The following HBS1L variants were observed in gnomAD, a reference collection of about 807,000 sequenced individuals.
HBS1L encodes the protein HBS1-like protein.
In HBS1L, 55 loss-of-function variants were observed where a neutral mutation model predicts 88.9. The observed-to-expected ratio is 0.62, with a 90% CI of 0.50 to 0.77. HBS1L has a LOEUF of 0.77. Ranked by LOEUF, HBS1L falls within the 30% of genes least tolerant of loss-of-function variation. The pLI is 0.00. For synonymous variants in HBS1L, 267 were observed against 288.5 expected (o/e 0.93, Z 0.76); for missense variants, 741 against 829.3 (o/e 0.89, Z 1.31).
chr6:135,044,598 T>G (rs931831673), intron 2 of HBS1L, among the ~76,000 whole-genome samples: 12 of 152,204 alleles, frequency 7.9e-5, no homozygotes, highest in African/African-American at 2.7e-4. Context: ...ATACTTAGAC[T>G]GATAGCCTTT....
intron 8 of HBS1L, among the ~76,000 whole-genome samples, chr6:134,992,195 A>G (rs1450060465): frequency 2.0e-5 from 3 of 152,222 alleles, no homozygotes; most frequent in Admixed American, 6.5e-5. Context: ...ATTATGAAAG[A>G]AATCAATGTC....
At chr6:134,981,687 A>G (rs1170473823) in intron 13 of HBS1L, among the ~76,000 whole-genome samples, 1 of 151,960 alleles carries the variant, frequency 6.6e-6, no homozygotes, top group Non-Finnish European at 1.5e-5. Flanking sequence ...ATTATTTTAT[A>G]GTATAAAACA....
At position 135,037,454 on chromosome 6, in the gene HBS1L, C is replaced by A. The variant is rs1035378073; in HGVS notation, c.430+2119G>T. On this transcript the variant is annotated intron_variant, in intron 4 of 17. Coordinates refer to ENST00000367837, the MANE Select transcript of HBS1L (RefSeq NM_006620.4). Reference sequence around the variant, plus strand: ...TCTTTACTAGCATTTAAATTATCAACAGTCATATTTTCCAACGAGCTAGTT... The same window carrying A: ...TCTTTACTAGCATTTAAATTATCAAAAGTCATATTTTCCAACGAGCTAGTT... 4 of 1,549,328 alleles carry A rather than the reference C, an allele frequency of 2.6e-6. No homozygotes were observed. The African/African-American group carries it at 5.5e-5, about 21-fold the overall frequency.
At chr6:134,974,669 C>T (rs1168555740) in intron 15 of HBS1L, among the ~76,000 whole-genome samples, 1 of 149,938 alleles carries the variant, frequency 6.7e-6, no homozygotes, top group Non-Finnish European at 1.5e-5. Context: ...AACAGATGAT[C>T]ATCTCAATAG....
chr6:135,043,299 G>C (rs181942714), intron 2 of HBS1L, among the ~76,000 whole-genome samples: 79 of 152,248 alleles, frequency 5.2e-4, no homozygotes, highest in African/African-American at 1.2e-3. Context: ...CAAAAGGCAA[G>C]GTATTATTAG....
chr6:135,045,279 T>A (rs1273126202), intron 2 of HBS1L, among the ~76,000 whole-genome samples: 1 of 152,154 alleles, frequency 6.6e-6, no homozygotes, highest in African/African-American at 2.4e-5. Flanking sequence ...AATGCTATTC[T>A]CTAAAATTTT....
At chr6:135,035,181 G>A (rs1488289455) in intron 4 of HBS1L, among the ~76,000 whole-genome samples, 1 of 152,184 alleles carries the variant, frequency 6.6e-6, no homozygotes, top group Admixed American at 6.5e-5. Context: ...GGCCGGGCGT[G>A]GTGGCTCACA....
chr6:134,979,999 C>T (rs1349445515), intron 13 of HBS1L, among the ~76,000 whole-genome samples: 2 of 151,918 alleles, frequency 1.3e-5, no homozygotes, highest in Non-Finnish European at 2.9e-5. Flanking sequence ...GAGCAGTTCC[C>T]AAGGGCAATA....
At chr6:134,966,912 A>ATTTCAC (rs1774332029) in intron 16 of HBS1L, among the ~76,000 whole-genome samples, 1 of 147,422 alleles carries the variant, frequency 6.8e-6, no homozygotes, top group African/African-American at 2.7e-5. Flanking sequence ...GTAAAACTGT[A>ATTTCAC]ATTTATGGAA....
chr6:135,018,379 T>C (rs527875933), intron 4 of HBS1L, among the ~76,000 whole-genome samples: 2 of 152,164 alleles, frequency 1.3e-5, no homozygotes, highest in East Asian at 3.9e-4. Flanking sequence ...TTATAAAGCA[T>C]CCAGCCTCCT....
At chr6:135,054,504 G>A in intron 1 of HBS1L, 145 bp downstream of exon 1, 2 of 858,690 alleles carry the variant, frequency 2.3e-6, no homozygotes, top group Admixed American at 2.3e-5. Context: ...AGCACTAGAA[G>A]GCCTGTTATA....
chr6:135,031,070 A>AT (rs1396161959), intron 4 of HBS1L, among the ~76,000 whole-genome samples: 3 of 152,090 alleles, frequency 2.0e-5, no homozygotes, highest in Non-Finnish European at 4.4e-5. Context: ...TTTGTTGGTA[A>AT]TTTTTAAAAT....
chr6:134,984,681 T>C (rs752407210), intron 12 of HBS1L, among the ~76,000 whole-genome samples: 26 of 152,186 alleles, frequency 1.7e-4, no homozygotes, highest in Non-Finnish European at 1.3e-4. Flanking sequence ...CACTTTATAG[T>C]CTTCTATATA....
At chr6:135,015,566 T>C (rs1478286579) in intron 4 of HBS1L, among the ~76,000 whole-genome samples, 2 of 152,114 alleles carry the variant, frequency 1.3e-5, no homozygotes, top group African/African-American at 4.8e-5. Flanking sequence ...AATGTAAATA[T>C]ACACACACAT....
At chr6:134,973,087 C>A (rs1774537126) in intron 15 of HBS1L, among the ~76,000 whole-genome samples, 1 of 152,186 alleles carries the variant, frequency 6.6e-6, no homozygotes, top group Non-Finnish European at 1.5e-5. Flanking sequence ...CAATTCCACT[C>A]CTAGGCATAT....
At chr6:135,045,410 C>T (rs1420226106) in intron 2 of HBS1L, among the ~76,000 whole-genome samples, 2 of 152,168 alleles carry the variant, frequency 1.3e-5, no homozygotes, top group East Asian at 3.8e-4. Context: ...CTGAAACTTC[C>T]TACAATGGTT....
At chr6:135,009,249 T>TATTTTA (rs1562294467) in intron 4 of HBS1L, among the ~76,000 whole-genome samples, 2 of 152,174 alleles carry the variant, frequency 1.3e-5, no homozygotes, top group Non-Finnish European at 1.5e-5. Context: ...AATATATATA[T>TATTTTA]ATGAATTACA....
intron 4 of HBS1L, among the ~76,000 whole-genome samples, chr6:135,008,362 A>G (rs771237684): frequency 2.0e-5 from 3 of 152,268 alleles, no homozygotes; most frequent in Non-Finnish European, 4.4e-5. Context: ...ACTTCACCTT[A>G]GTGGCAAAGC....
chr6:134,974,130 C>G (rs1774574663), intron 15 of HBS1L, among the ~76,000 whole-genome samples: 2 of 152,050 alleles, frequency 1.3e-5, no homozygotes, highest in African/African-American at 4.8e-5. Flanking sequence ...ATAAACACCT[C>G]CGTGCACACA....
Sources: gnomAD v4.1 joint callset for allele counts (sites outside exome capture counted in the v4.1 genomes callset) on GRCh38, gnomAD v4.1.1 for gene constraint, MANE v1.5 for transcripts, NCBI Gene and HGNC (gene_info 2026-07-23, HGNC 2026-07-21) for gene names.